The following ANKH variants were observed in gnomAD, a reference collection of about 807,000 sequenced individuals.
The protein encoded by ANKH is ANKH inorganic pyrophosphate transport regulator, also known as mineralization regulator ANKH.
A neutral mutation model predicts 49.0 loss-of-function variants in ANKH; 15 were observed. The ratio of observed to expected loss-of-function variants is 0.31; its 90% CI spans 0.20 to 0.47. ANKH has a LOEUF of 0.47. Among genes scored for constraint, ANKH ranks in the 20% least tolerant of loss-of-function variants. The pLI is 1.00. For synonymous variants in ANKH, 273 were observed against 260.0 expected (o/e 1.05, Z -0.48); for missense variants, 429 against 652.0 (o/e 0.66, Z 3.72).
intron 1 of ANKH, among the ~76,000 whole-genome samples, chr5:14,807,050 A>G (rs1740727861): frequency 6.6e-6 from 1 of 151,930 alleles, no homozygotes; most frequent in South Asian, 2.1e-4. Context: ...ACTAACTGCC[A>G]CAAAGAGTCC....
intron 8 of ANKH, among the ~76,000 whole-genome samples, chr5:14,738,671 C>T (rs1392992899): frequency 6.6e-6 from 1 of 151,608 alleles, no homozygotes; most frequent in African/African-American, 2.4e-5. Context: ...GCTCATGCCT[C>T]TAATCCCAGC....
At position 14,710,472 on chromosome 5, in the gene ANKH, A is replaced by C. The variant is rs1327350249; in HGVS notation, c.*725T>G. The C allele has an allele frequency of 6.5e-6, 1 of 153,398 alleles. No homozygotes were observed. The highest frequency in any genetic ancestry group is 1.5e-5 in the Non-Finnish European group (1 of 68,908). 9.5% of individuals were successfully genotyped at this position (153,398 alleles called of 1,614,324 possible). The stretch of plus-strand genomic sequence containing the variant: ...GGGTGAGAACTGACAGCTTGCTCAG[A>C]TCTAGGAGAACGCAGAGTGAAATGC... On this transcript the variant is annotated 3_prime_UTR_variant, in exon 12 of 12. Transcript: ENST00000284268.
intron 1 of ANKH, among the ~76,000 whole-genome samples, chr5:14,795,493 T>C (rs1740345465): frequency 6.6e-6 from 1 of 152,158 alleles, no homozygotes; most frequent in Non-Finnish European, 1.5e-5. Flanking sequence ...AAGAAAAAAT[T>C]CTGGACTCCT....
intron 8 of ANKH, among the ~76,000 whole-genome samples, chr5:14,734,562 C>T (rs1338260625): frequency 6.6e-6 from 1 of 152,180 alleles, no homozygotes; most frequent in Non-Finnish European, 1.5e-5. Context: ...CCGAAAGAGC[C>T]GGGCTGGGCA....
chr5:14,741,811 G>A lies in ANKH; in HGVS notation c.1011+16C>T. On this transcript the variant is annotated intron_variant, in intron 8 of 11. Coordinates refer to ENST00000284268, the MANE Select transcript of ANKH (RefSeq NM_054027.6). ...ACCAAACAGAGAGAAGAGGCAGAGA[G>A]AGCCTCTGTCCTTACCGTGAGTGAC... 1 of 1,599,852 alleles carries A rather than the reference G, an allele frequency of 6.3e-7. No homozygotes were observed. The highest frequency in any genetic ancestry group is 1.7e-5 in the Admixed American group (1 of 59,976).
intron 2 of ANKH, chr5:14,768,675 G>A (rs1032050761): frequency 1.9e-5 from 9 of 472,584 alleles, no homozygotes; most frequent in Admixed American, 3.4e-5. Flanking sequence ...TATCTCTAAC[G>A]AAAGCACCTG....
intron 5 of ANKH, 135 bp from the exon 6 acceptor site, chr5:14,749,441 G>A: frequency 2.0e-6 from 2 of 1,011,682 alleles, no homozygotes. Flanking sequence ...ATAAGGAAAA[G>A]TGTCTGTAGA....
At chr5:14,765,007 G>T (rs565048818) in intron 2 of ANKH, among the ~76,000 whole-genome samples, 1 of 152,342 alleles carries the variant, frequency 6.6e-6, no homozygotes, top group African/African-American at 2.4e-5. Flanking sequence ...CCACGCACGT[G>T]AAATTAATTT....
In ANKH at chr5:14,782,929, T is replaced by C. The variant is rs1739854370; in HGVS notation, c.97-13738A>G. ...TACTGAAGATGAGGACAAGAACCTC[T>C]AGGGGCTCCTTTTGTACATGGCAGA... On this transcript the variant is annotated intron_variant, in intron 1 of 11. Coordinates refer to ENST00000284268, the MANE Select transcript of ANKH (RefSeq NM_054027.6). 2.0e-5 allele frequency among the ~76,000 whole-genome samples: 3 copies of C among 152,278 alleles called. No homozygotes were observed. The South Asian group carries it at 6.2e-4, about 32-fold the overall frequency.
At chr5:14,805,459 G>C in intron 1 of ANKH, among the ~76,000 whole-genome samples, 1 of 66,266 alleles carries the variant, frequency 1.5e-5, no homozygotes, top group Non-Finnish European at 2.7e-5. Context: ...ATATATATAT[G>C]TACACACACA....
At chr5:14,850,504 T>C (rs1206792739) in intron 1 of ANKH, among the ~76,000 whole-genome samples, 1 of 152,236 alleles carries the variant, frequency 6.6e-6, no homozygotes, top group East Asian at 1.9e-4. Flanking sequence ...AAGTCCCTAC[T>C]GTGTGCTGAG....
chr5:14,801,065 T>C (rs1208049743), intron 1 of ANKH, among the ~76,000 whole-genome samples: 1 of 152,174 alleles, frequency 6.6e-6, no homozygotes, highest in Non-Finnish European at 1.5e-5. Flanking sequence ...CCAAAAAGTG[T>C]GTGTCACTTG....
chr5:14,749,080 T>C (rs1326148293), intron 6 of ANKH, 92 bp downstream of exon 6: 2 of 1,554,038 alleles, frequency 1.3e-6, no homozygotes, highest in Middle Eastern at 2.1e-4. Flanking sequence ...GGGGAATTAC[T>C]TGAGCTCTCG....
At chr5:14,848,666 A>G (rs1272179251) in intron 1 of ANKH, among the ~76,000 whole-genome samples, 5 of 152,144 alleles carry the variant, frequency 3.3e-5, no homozygotes, top group Non-Finnish European at 7.4e-5. Context: ...GTTCCTGTGC[A>G]GCTAAGTGCC....
intron 1 of ANKH, among the ~76,000 whole-genome samples, chr5:14,778,355 C>T (rs1664965): frequency 2.0e-5 from 3 of 152,150 alleles, no homozygotes; most frequent in Admixed American, 6.6e-5. Flanking sequence ...CACTGGGGAC[C>T]CTGCCACTTG....
chr5:14,777,099 T>C (rs933049077), intron 1 of ANKH, among the ~76,000 whole-genome samples: 1 of 152,020 alleles, frequency 6.6e-6, no homozygotes, highest in African/African-American at 2.4e-5. Flanking sequence ...CCGGCAAACA[T>C]GGCAAAACCC....
intron 3 of ANKH, 105 bp downstream of exon 3, chr5:14,758,375 T>C (rs1738968611): frequency 1.2e-6 from 1 of 850,814 alleles, no homozygotes; most frequent in Non-Finnish European, 2.0e-6. Context: ...CTTCCTGCCA[T>C]TAAGCTGTAC....
chr5:14,784,285 C>G (rs541529551), intron 1 of ANKH, among the ~76,000 whole-genome samples: 4 of 152,312 alleles, frequency 2.6e-5, no homozygotes, highest in African/African-American at 9.6e-5. Context: ...CAAAAAGATT[C>G]CATGCCCTGC....
Position 14,871,732 on chromosome 5 carries a change from G to A in ANKH, c.-285C>T. 1 of 158,122 alleles carries A rather than the reference G, an allele frequency of 6.3e-6. No homozygotes were observed. Among genetic ancestry groups the A allele is most frequent in the Non-Finnish European group, 1.3e-5 (1 of 74,604 alleles). The allele number at this position is 158,122 out of a possible 1,614,324, so 9.8% of individuals were successfully genotyped here. A position where few individuals can be genotyped will look rare whatever the true frequency, so the allele number is the denominator to read the frequency against. On this transcript the variant is annotated 5_prime_UTR_variant, in exon 1 of 12. Transcript: ENST00000284268. ...AAGAGGAGGGACGGCGGCGGCGGCG[G>A]CGGCGGCAGAAGGTTCTGCTGACAG...
Sources: allele counts gnomAD v4.1 joint callset (sites outside exome capture counted in the v4.1 genomes callset), GRCh38; gene constraint gnomAD v4.1.1; transcripts MANE v1.5; gene names NCBI Gene and HGNC (gene_info 2026-07-23, HGNC 2026-07-21).